The following LRP1B variants were observed in gnomAD, a reference collection of about 807,000 sequenced individuals.
The protein encoded by LRP1B is LDL receptor related protein 1B, also known as low-density lipoprotein receptor-related protein 1B.
In LRP1B, 217 loss-of-function variants were observed where a neutral mutation model predicts 556.6. That is an observed-to-expected ratio of 0.39 (90% confidence interval 0.35 to 0.44). The LOEUF (loss-of-function observed/expected upper bound fraction) is 0.44. LRP1B is among the 20% of genes least tolerant of loss of function. The pLI is 1.00. For missense variants in LRP1B, 5,053 were observed against 5,620.8 expected (o/e 0.90, Z 3.23); for synonymous variants, 2,047 against 1,865.8 (o/e 1.10, Z -2.50).
At chr2:141,938,124 A>G (rs1700691623) in intron 1 of LRP1B, among the ~76,000 whole-genome samples, 2 of 152,168 alleles carry the variant, frequency 1.3e-5, no homozygotes, top group Admixed American at 1.3e-4. Flanking sequence ...AATCAGAAAA[A>G]TCTTCTGCCT....
chr2:140,567,980 C>A (rs1286123622), intron 43 of LRP1B, among the ~76,000 whole-genome samples: 1 of 152,084 alleles, frequency 6.6e-6, no homozygotes, highest in Non-Finnish European at 1.5e-5. Context: ...GGATAAACAT[C>A]TTTCTCTGTA....
chr2:141,868,707 C>T lies in LRP1B; in HGVS notation c.83-58306G>A, dbSNP rs180777872. ...TTTGTTAAGCCTAGCAAATTATGGA[C>T]TTGTATTTTTCCCCCTTATTTCTTA... On this transcript the variant is annotated intron_variant, in intron 1 of 90. Coordinates refer to ENST00000389484, the MANE Select transcript of LRP1B (RefSeq NM_018557.3). 1.4e-3 allele frequency among the ~76,000 whole-genome samples: 214 copies of T among 152,160 alleles called. 1 individual carries two copies. Among genetic ancestry groups the T allele is most frequent in the Non-Finnish European group, 2.5e-3 (169 of 67,964 alleles).
chr2:141,827,435 C>A (rs906960289), intron 1 of LRP1B, among the ~76,000 whole-genome samples: 2 of 152,136 alleles, frequency 1.3e-5, no homozygotes, highest in African/African-American at 2.4e-5. Flanking sequence ...TTGGGGGCAT[C>A]CCAGCCCTAG....
intron 7 of LRP1B, among the ~76,000 whole-genome samples, chr2:141,077,297 C>T (rs1699812900): frequency 6.6e-6 from 1 of 152,058 alleles, no homozygotes; most frequent in African/African-American, 2.4e-5. Context: ...GTAGGCTATG[C>T]AATACTGGTA....
intron 3 of LRP1B, among the ~76,000 whole-genome samples, chr2:141,436,116 C>G (rs531338832): frequency 1.3e-5 from 2 of 152,204 alleles, no homozygotes; most frequent in Non-Finnish European, 2.9e-5. Flanking sequence ...ATTTATCCAG[C>G]TTTATTTAGG....
rs202221349 is a variant in LRP1B at position 140,769,301 on chromosome 2, C to T, written c.5670G>A (p.Arg1890=). Residue 1890 remains arginine (R), a synonymous_variant, in exon 35 of 91, where the codon AGG becomes AGA. Transcript: ENST00000389484. ...TGTCACTTGGTTCAAGAGGTATTCC[C>T]CTGATTCCTTCATGAACAGAGTACA... ...FLMYSVHEGI[R]GIPLEPSDKM... The T allele has an allele frequency of 2.5e-6, 4 of 1,611,926 alleles. No individual in the cohort carries two copies. The African/African-American group carries it at 4.0e-5, about 16-fold the overall frequency.
chr2:140,956,713 A>G lies in LRP1B; in HGVS notation c.2888-4773T>C, dbSNP rs1695884123. Among the ~76,000 whole-genome samples, 5 of 151,880 alleles carry G rather than the reference A, an allele frequency of 3.3e-5. No individual in the cohort carries two copies. The South Asian group carries it at 1.0e-3, about 31-fold the overall frequency. The stretch of plus-strand genomic sequence containing the variant: ...TTTGCCACTCTTTCCTTGCTGTCAC[A>G]TAACAATCTCATTTTATATACCAAG... On this transcript the variant is annotated intron_variant, in intron 18 of 90. Coordinates refer to ENST00000389484, the MANE Select transcript of LRP1B (RefSeq NM_018557.3).
At chr2:141,230,639 T>A (rs1392915757) in intron 5 of LRP1B, among the ~76,000 whole-genome samples, 2 of 152,194 alleles carry the variant, frequency 1.3e-5, no homozygotes, top group African/African-American at 4.8e-5. Flanking sequence ...CTCTTACTCT[T>A]GTTCGTCTCA....
chr2:140,921,643 C>T (rs1437814100), intron 21 of LRP1B, among the ~76,000 whole-genome samples: 1 of 151,884 alleles, frequency 6.6e-6, no homozygotes, highest in Non-Finnish European at 1.5e-5. Flanking sequence ...AAAATTATGA[C>T]TCTTTATGTA....
At chr2:141,756,544 T>TACACACACACAC (rs35271250) in intron 2 of LRP1B, among the ~76,000 whole-genome samples, 34 of 143,458 alleles carry the variant, frequency 2.4e-4, no homozygotes, top group African/African-American at 8.6e-4. Flanking sequence ...TCTCTCAAAT[T>TACACACACACAC]ACACACACAC....
At chr2:141,603,095 G>T (rs1687806944) in intron 2 of LRP1B, among the ~76,000 whole-genome samples, 1 of 152,174 alleles carries the variant, frequency 6.6e-6, no homozygotes, top group South Asian at 2.1e-4. Context: ...CTTATGATTG[G>T]CCTGAATTAA....
At chr2:140,980,316 C>T (rs1696729482) in intron 18 of LRP1B, among the ~76,000 whole-genome samples, 1 of 152,088 alleles carries the variant, frequency 6.6e-6, no homozygotes, top group Non-Finnish European at 1.5e-5. Context: ...ATCAAGTTCT[C>T]TAAAATACAG....
At chr2:141,815,599 A>G (rs1014650185) in intron 1 of LRP1B, among the ~76,000 whole-genome samples, 1 of 152,208 alleles carries the variant, frequency 6.6e-6, no homozygotes, top group Admixed American at 6.5e-5. Flanking sequence ...AAATGCACCA[A>G]TCAGCAGGAT....
chr2:140,649,843 C>T (rs2105317645), intron 41 of LRP1B, among the ~76,000 whole-genome samples: 1 of 152,314 alleles, frequency 6.6e-6, no homozygotes, highest in South Asian at 2.1e-4. Context: ...CAGTATAATA[C>T]ACCTGGATGG....
intron 3 of LRP1B, among the ~76,000 whole-genome samples, chr2:141,356,477 C>T (rs1222735026): frequency 1.3e-5 from 2 of 151,860 alleles, no homozygotes; most frequent in African/African-American, 4.8e-5. Flanking sequence ...ATACACACTA[C>T]AGAGTATGAG....
intron 2 of LRP1B, among the ~76,000 whole-genome samples, chr2:141,807,628 C>T (rs1696207136): frequency 6.6e-6 from 1 of 152,070 alleles, no homozygotes; most frequent in Non-Finnish European, 1.5e-5. Flanking sequence ...ACTAAGTAAG[C>T]AGAATATCAA....
At position 140,702,238 on chromosome 2, in the gene LRP1B, G is replaced by C. The variant is rs1686672108; in HGVS notation, c.6205C>G (p.Leu2069Val). Reference sequence around the variant, plus strand: ...ATCTCGCGATTCCCTCCAGTCTCAAGGTCGATTCTCTCTATCTTGTCTGTG... The same window carrying C: ...ATCTCGCGATTCCCTCCAGTCTCAACGTCGATTCTCTCTATCTTGTCTGTG... The part of the protein sequence containing the change: ...ARTDKIERID[L>V]ETGGNREMVL... Residue 2069 changes from leucine (L) to valine (V), a missense_variant, in exon 39 of 91, where the codon CTT becomes GTT. Around this residue, in one of 5 missense-constraint regions of LRP1B, gnomAD observed 3,619 missense variants for 3,931.9 expected, o/e 0.92. Coordinates refer to ENST00000389484, the MANE Select transcript of LRP1B (RefSeq NM_018557.3). 1 of 1,613,694 alleles carries C rather than the reference G, an allele frequency of 6.2e-7. No individual in the cohort carries two copies. Among genetic ancestry groups the C allele is most frequent in the Non-Finnish European group, 8.5e-7 (1 of 1,179,774 alleles).
chr2:141,026,032 C>A (rs1573994352), intron 11 of LRP1B, among the ~76,000 whole-genome samples: 1 of 152,020 alleles, frequency 6.6e-6, no homozygotes. Flanking sequence ...GGGAGAAAGT[C>A]ATTTCCATTA....
chr2:141,193,519 T>C (rs1681610857), intron 6 of LRP1B, among the ~76,000 whole-genome samples: 1 of 151,934 alleles, frequency 6.6e-6, no homozygotes, highest in African/African-American at 2.4e-5. Flanking sequence ...TCTCATGTAT[T>C]AGTAGGAGCT....
Sources: gnomAD v4.1 joint callset for allele counts (sites outside exome capture counted in the v4.1 genomes callset) on GRCh38, gnomAD v4.1.1 for gene constraint, gnomAD v4.1.1 regional missense constraint, MANE v1.5 for transcripts, NCBI Gene and HGNC (gene_info 2026-07-23, HGNC 2026-07-21) for gene names.